CAMK4: variants seen among roughly 807,000 people sequenced by gnomAD.
The protein encoded by CAMK4 is calcium/calmodulin-dependent protein kinase type IV.
In CAMK4, 22 loss-of-function variants were observed where a neutral mutation model predicts 44.9. That is an observed-to-expected ratio of 0.49 (90% CI 0.35 to 0.70). CAMK4 has a LOEUF of 0.70. CAMK4 is among the 30% of genes least tolerant of loss of function. The probability of loss-of-function intolerance (pLI) is 0.01; values close to 1 mark genes in which losing one functional copy is unlikely to be tolerated. For synonymous variants in CAMK4, 218 were observed against 215.4 expected, an observed-to-expected ratio of 1.01 and a Z score of -0.11; for missense variants, 498 against 586.8, an observed-to-expected ratio of 0.85 and a Z score of 1.56.
At chr5:111,245,306 G>T (rs1749185527) in intron 1 of CAMK4, among the ~76,000 whole-genome samples, 1 of 151,858 alleles carries the variant, frequency 6.6e-6, no homozygotes, top group Non-Finnish European at 1.5e-5. Flanking sequence ...ATGGTGATAG[G>T]CTGTCAAGTA....
At chr5:111,348,879 A>G (rs555365588) in intron 2 of CAMK4, among the ~76,000 whole-genome samples, 91 of 152,162 alleles carry the variant, frequency 6.0e-4, no homozygotes, top group Non-Finnish European at 1.1e-3. Flanking sequence ...CACTCTCTAA[A>G]TGTTATGACA....
chr5:111,414,634 T>G (rs932471955), intron 5 of CAMK4, among the ~76,000 whole-genome samples: 1 of 152,176 alleles, frequency 6.6e-6, no homozygotes, highest in Non-Finnish European at 1.5e-5. Flanking sequence ...ATTGTGTTCT[T>G]GGAAAAACAA....
At chr5:111,375,477 A>G (rs758688819) in intron 3 of CAMK4, among the ~76,000 whole-genome samples, 54 of 152,114 alleles carry the variant, frequency 3.5e-4, no homozygotes, top group Non-Finnish European at 7.1e-4. Context: ...GAATAAAATT[A>G]TTTTCCAGGT....
intron 8 of CAMK4, among the ~76,000 whole-genome samples, chr5:111,476,022 T>C (rs958975219): frequency 6.6e-6 from 1 of 152,216 alleles, no homozygotes; most frequent in Non-Finnish European, 1.5e-5. Context: ...TGAAGCTACG[T>C]TATAAGCTTC....
rs371264833 is a variant in CAMK4 at position 111,362,603 on chromosome 5, A to G, written c.241-12247A>G. ...ATTTTCTATATTTTTAAATGTGACT[A>G]TGATACTTCTAGAAAAATATATAAT... is the stretch of plus-strand genomic sequence containing the variant. On this transcript the variant is annotated intron_variant, in intron 2 of 10. Transcript: ENST00000282356. Among the ~76,000 whole-genome samples, 12 of 152,200 alleles carry G rather than the reference A, an allele frequency of 7.9e-5. No individual in the cohort carries two copies. The East Asian group carries it at 1.4e-3, about 17-fold the overall frequency.
intron 5 of CAMK4, among the ~76,000 whole-genome samples, chr5:111,415,408 G>T (rs766232471): frequency 6.6e-6 from 1 of 152,192 alleles, no homozygotes; most frequent in Non-Finnish European, 1.5e-5. Context: ...TACAAGAGTA[G>T]TGATATTGCC....
intron 2 of CAMK4, among the ~76,000 whole-genome samples, chr5:111,349,711 A>G (rs558545624): frequency 2.6e-5 from 4 of 152,052 alleles, no homozygotes; most frequent in South Asian, 2.1e-4. Flanking sequence ...CCTTAGGAGT[A>G]TATACCTCAG....
chr5:111,385,928 G>C (rs970438977), intron 4 of CAMK4, among the ~76,000 whole-genome samples: 5 of 152,096 alleles, frequency 3.3e-5, no homozygotes, highest in African/African-American at 1.2e-4. Context: ...GAGAGAAGTA[G>C]ACTGGGAATC....
At chr5:111,368,166 T>C (rs553609419) in intron 2 of CAMK4, among the ~76,000 whole-genome samples, 2 of 152,228 alleles carry the variant, frequency 1.3e-5, no homozygotes, top group Non-Finnish European at 2.9e-5. Context: ...ATACTAAAGG[T>C]ATGTCTTATG....
At chr5:111,339,174 G>C (rs1017238727) in intron 1 of CAMK4, among the ~76,000 whole-genome samples, 2 of 151,392 alleles carry the variant, frequency 1.3e-5, no homozygotes, top group East Asian at 2.0e-4. Flanking sequence ...CCATTCTGTA[G>C]GTTGTCTGTT....
chr5:111,487,780 A>G lies in CAMK4; in HGVS notation c.*3314A>G, dbSNP rs1463530047. 2 of 152,122 alleles carry G rather than the reference A, an allele frequency of 1.3e-5. No homozygotes were observed. Among genetic ancestry groups the G allele is most frequent in the Non-Finnish European group, 2.9e-5 (2 of 68,022 alleles). 9.4% of individuals were successfully genotyped at this position (152,122 alleles called of 1,614,324 possible). ...GTCTAGAGTACTTTTTATTTTAAGCAAAGTGACACTTGAAGTTCTATGCTT... is the reference window on the plus strand; with the variant it reads ...GTCTAGAGTACTTTTTATTTTAAGCGAAGTGACACTTGAAGTTCTATGCTT... On this transcript the variant is annotated 3_prime_UTR_variant, in exon 11 of 11. Coordinates refer to ENST00000282356, the MANE Select transcript of CAMK4 (RefSeq NM_001744.6).
chr5:111,468,219 G>A (rs1178668503), intron 7 of CAMK4, among the ~76,000 whole-genome samples: 1 of 152,134 alleles, frequency 6.6e-6, no homozygotes, highest in Non-Finnish European at 1.5e-5. Context: ...ATTGGGTACA[G>A]TGTACAATGC....
intron 5 of CAMK4, among the ~76,000 whole-genome samples, chr5:111,410,367 A>G (rs114542343): frequency 6.6e-6 from 1 of 152,310 alleles, no homozygotes; most frequent in Non-Finnish European, 1.5e-5. Flanking sequence ...TACCACGAGA[A>G]CAGTATGGGG....
intron 5 of CAMK4, among the ~76,000 whole-genome samples, chr5:111,439,795 C>T (rs1753764565): frequency 6.6e-6 from 1 of 152,038 alleles, no homozygotes; most frequent in Non-Finnish European, 1.5e-5. Context: ...GACCTGGAGC[C>T]AGGGAAGGAG....
chr5:111,379,604 C>T (rs893577840), intron 4 of CAMK4, among the ~76,000 whole-genome samples: 1 of 152,032 alleles, frequency 6.6e-6, no homozygotes, highest in African/African-American at 2.4e-5. Flanking sequence ...GCATTATTAT[C>T]CAATGTATTG....
chr5:111,263,161 C>G (rs1750068192), intron 1 of CAMK4, among the ~76,000 whole-genome samples: 1 of 152,192 alleles, frequency 6.6e-6, no homozygotes, highest in Non-Finnish European at 1.5e-5. Flanking sequence ...TTGACTATGT[C>G]AGGTGATTTT....
intron 2 of CAMK4, among the ~76,000 whole-genome samples, chr5:111,345,835 C>T (rs189381935): frequency 8.2e-4 from 124 of 152,022 alleles, no homozygotes; most frequent in African/African-American, 3.0e-3. Context: ...ACTGTCTTCT[C>T]GCTGTTGTGA....
intron 7 of CAMK4, among the ~76,000 whole-genome samples, chr5:111,460,398 A>T (rs1005401317): frequency 2.6e-5 from 4 of 150,972 alleles, no homozygotes; most frequent in African/African-American, 9.7e-5. Flanking sequence ...CAGCCTCCTG[A>T]GTAGCTGGGA....
intron 5 of CAMK4, among the ~76,000 whole-genome samples, chr5:111,403,842 G>A (rs547847970): frequency 6.6e-5 from 10 of 152,230 alleles, no homozygotes; most frequent in East Asian, 3.9e-4. Flanking sequence ...AAATTTTACC[G>A]AATTCTGCCT....
Sources: gnomAD v4.1 joint callset for allele counts (sites outside exome capture counted in the v4.1 genomes callset) on GRCh38, gnomAD v4.1.1 for gene constraint, MANE v1.5 for transcripts, NCBI Gene and HGNC (gene_info 2026-07-23, HGNC 2026-07-21) for gene names.